DNMT3A: variants seen among roughly 807,000 people sequenced by gnomAD.
DNMT3A encodes the protein DNA methyltransferase 3 alpha.
Under a neutral mutation model 117.6 loss-of-function variants are expected in DNMT3A, and 267 were observed. That is an observed-to-expected ratio of 2.27 (90% CI 2.05 to 2.51). The LOEUF (loss-of-function observed/expected upper bound fraction) is 2.51, where lower values mean the gene tolerates loss of function less well. Ranked by LOEUF, DNMT3A falls within the 30% of genes most tolerant of loss-of-function variation. The probability of loss-of-function intolerance (pLI) is 0.00; values close to 1 mark genes in which losing one functional copy is unlikely to be tolerated. For missense variants in DNMT3A, 1,029 were observed against 1,260.2 expected, an observed-to-expected ratio of 0.82 and a Z score of 2.78; for synonymous variants, 432 against 474.8, an observed-to-expected ratio of 0.91 and a Z score of 1.17.
At position 25,304,717 on chromosome 2, in the gene DNMT3A, T is replaced by C. The variant is rs558129824; in HGVS notation, c.73-4474A>G. Among the ~76,000 whole-genome samples the C allele has an allele frequency of 1.4e-4, 22 of 152,224 alleles. No individual in the cohort carries two copies. Among genetic ancestry groups the C allele is most frequent in the Admixed American group, 4.6e-4 (7 of 15,286 alleles). On this transcript the variant is annotated intron_variant, in intron 2 of 22. Transcript: ENST00000321117. This position sits in a 1 kb window ranked among gnomAD's most constrained non-coding sequence, Gnocchi z 4.3. ...TCCCCAGGATTTGGCTGGATCGCCT[T>C]GGTCTCTTCTCCACACTGTGGTCCC...
At chr2:25,250,081 C>T (rs1675324701) in intron 6 of DNMT3A, among the ~76,000 whole-genome samples, 1 of 148,332 alleles carries the variant, frequency 6.7e-6, no homozygotes, top group Non-Finnish European at 1.5e-5. Flanking sequence ...GGCACCTGAA[C>T]GGAAGGATTT....
chr2:25,234,337 C>T lies in DNMT3A; in HGVS notation c.2681G>A (p.Ser894Asn). The change falls in exon 23 of 23, where the codon AGC becomes AAC. Residue 894 changes from serine (S) to asparagine (N), a missense_variant. Ser to Asn is a conservative substitution (Grantham distance 46). Coordinates refer to ENST00000321117, the MANE Select transcript of DNMT3A (RefSeq NM_022552.5). The surrounding 1 kb of genome is among the most constrained non-coding windows in gnomAD (Gnocchi z 4.5). The stretch of plus-strand genomic sequence containing the variant: ...GAAGAGGTGGCGGATGACTGGCACG[C>T]TCCATGACCGGCCCAGCAGTCTCTG... ...ARQRLLGRSWSVPVIRHLFAP... is the reference protein window; with the variant it reads ...ARQRLLGRSWNVPVIRHLFAP... The T allele has an allele frequency of 6.2e-7, 1 of 1,614,146 alleles. No homozygotes were observed. The highest frequency in any genetic ancestry group is 8.5e-7 in the Non-Finnish European group (1 of 1,180,014).
At chr2:25,302,073 C>T (rs1234474095) in intron 2 of DNMT3A, among the ~76,000 whole-genome samples, 1 of 152,176 alleles carries the variant, frequency 6.6e-6, no homozygotes, top group East Asian at 1.9e-4. Context: ...GGCAGACCAT[C>T]ATGGCTCAAG....
intron 6 of DNMT3A, among the ~76,000 whole-genome samples, chr2:25,250,500 C>A (rs1436074264): frequency 1.3e-5 from 2 of 152,192 alleles, no homozygotes; most frequent in African/African-American, 4.8e-5. Flanking sequence ...TTGCTCATCG[C>A]TCCCTAGCCC....
chr2:25,247,192 C>A lies in DNMT3A; in HGVS notation c.1015-34G>T. On this transcript the variant is annotated intron_variant, in intron 8 of 22. Transcript: ENST00000321117. The surrounding 1 kb of genome is among the most constrained non-coding windows in gnomAD (Gnocchi z 5.6). ...ACAAGCCAGGCCTTGTTTGCCGAGG[C>A]TTACACTTGCAAGCACCCACCCCAT... 6.2e-7 allele frequency: 1 copy of A among 1,604,642 alleles called. No individual in the cohort carries two copies. The highest frequency in any genetic ancestry group is 8.5e-7 in the Non-Finnish European group (1 of 1,174,340).
Position 25,240,345 on chromosome 2 carries a change from GC to G in DNMT3A, c.2278del (p.Ala760ProfsTer19). The G allele has an allele frequency of 6.2e-7, 1 of 1,614,154 alleles. No individual in the cohort carries two copies. The highest frequency in any genetic ancestry group is 8.5e-7 in the Non-Finnish European group (1 of 1,180,042). On this transcript the variant is annotated frameshift_variant, in exon 19 of 23. Transcript: ENST00000321117. LOFTEE classifies it high-confidence loss of function. Reference sequence around the variant, plus strand: ...GTCCCTCTTGTCACTAACGCCCATGGCCACCACATTCTCAAAGAGCCAGAAG... The same window carrying G: ...GTCCCTCTTGTCACTAACGCCCATGGCACCACATTCTCAAAGAGCCAGAAG... ...PFFWLFENVVAMGVSDKRDIS... is the reference protein window; with the variant it reads ...PFFWLFENVVXMGVSDKRDIS...
Position 25,294,984 on chromosome 2 carries a change from C to T in DNMT3A, c.177+5155G>A, listed in dbSNP as rs150131466. Reference sequence around the variant, plus strand: ...CTGGAGGAAGTTGGTGGGTATAAATCGTCAATGAATAAATACGCATCGCTA... The same window carrying T: ...CTGGAGGAAGTTGGTGGGTATAAATTGTCAATGAATAAATACGCATCGCTA... On this transcript the variant is annotated intron_variant, in intron 3 of 22. Coordinates refer to ENST00000321117, the MANE Select transcript of DNMT3A (RefSeq NM_022552.5). This position sits in a 1 kb window ranked among gnomAD's most constrained non-coding sequence, Gnocchi z 4.7. Among the ~76,000 whole-genome samples the T allele has an allele frequency of 2.8e-4, 43 of 152,272 alleles. No individual in the cohort carries two copies. The South Asian group carries it at 6.4e-3, about 23-fold the overall frequency.
chr2:25,299,211 T>A lies in DNMT3A; in HGVS notation c.177+928A>T, dbSNP rs137912761. Among the ~76,000 whole-genome samples, 3 of 152,328 alleles carry A rather than the reference T, an allele frequency of 2.0e-5. No homozygotes were observed. In the East Asian group the frequency reaches 5.8e-4, roughly 29 times the overall value. ...TTAAGACATAAACCAGTTAGGCTCC[T>A]ACAGCCCAGGGGTCTTGTTCTCCAG... On this transcript the variant is annotated intron_variant, in intron 3 of 22. Coordinates refer to ENST00000321117, the MANE Select transcript of DNMT3A (RefSeq NM_022552.5).
At chr2:25,235,099 G>A (rs1219193949) in intron 22 of DNMT3A, among the ~76,000 whole-genome samples, 1 of 152,092 alleles carries the variant, frequency 6.6e-6, no homozygotes, top group Non-Finnish European at 1.5e-5. Flanking sequence ...GGCACCACAA[G>A]TTAAGGTCCT....
At chr2:25,255,582 T>G (rs1676037306) in intron 6 of DNMT3A, among the ~76,000 whole-genome samples, 1 of 152,138 alleles carries the variant, frequency 6.6e-6, no homozygotes, top group African/African-American at 2.4e-5. Flanking sequence ...CCCATAGGCC[T>G]CCTAAGCCCG....
At chr2:25,239,025 G>T in intron 20 of DNMT3A, 105 bp downstream of exon 20, 1 of 899,910 alleles carries the variant, frequency 1.1e-6, no homozygotes. Flanking sequence ...TAGTCATTCA[G>T]CAGAGGCCGG....
At chr2:25,238,102 C>G (rs115160577) in intron 20 of DNMT3A, among the ~76,000 whole-genome samples, 3 of 152,110 alleles carry the variant, frequency 2.0e-5, no homozygotes, top group Non-Finnish European at 4.4e-5. Context: ...AAGAAGCAGG[C>G]GAGAAATCCC....
intron 1 of DNMT3A, among the ~76,000 whole-genome samples, chr2:25,318,750 T>C (rs1221964666): frequency 1.4e-5 from 2 of 147,936 alleles, no homozygotes; most frequent in Non-Finnish European, 3.0e-5. Context: ...CAGGCTAGAG[T>C]GCAGTGGTGC....
chr2:25,250,872 G>A (rs1675443614), intron 6 of DNMT3A, among the ~76,000 whole-genome samples: 1 of 152,220 alleles, frequency 6.6e-6, no homozygotes, highest in African/African-American at 2.4e-5. Context: ...GCAGCAGCAG[G>A]TGGGCTGGGC....
chr2:25,305,146 A>G lies in DNMT3A; in HGVS notation c.73-4903T>C. Among the ~76,000 whole-genome samples the G allele has an allele frequency of 6.6e-6, 1 of 152,262 alleles. No homozygotes were observed. ...ACGTACAAATCTACAAACCCGTACA[A>G]ATACAACTGTGTACGAGGTTCCAGT... On this transcript the variant is annotated intron_variant, in intron 2 of 22. Transcript: ENST00000321117. This position sits in a 1 kb window ranked among gnomAD's most constrained non-coding sequence, Gnocchi z 4.1.
chr2:25,258,878 G>C (rs979227053), intron 6 of DNMT3A, among the ~76,000 whole-genome samples: 1 of 152,180 alleles, frequency 6.6e-6, no homozygotes, highest in African/African-American at 2.4e-5. Flanking sequence ...TGTTAGGGAG[G>C]GGGAGTGGTA....
At chr2:25,265,596 T>A (rs2030253984) in intron 6 of DNMT3A, among the ~76,000 whole-genome samples, 1 of 152,132 alleles carries the variant, frequency 6.6e-6, no homozygotes, top group East Asian at 1.9e-4. Context: ...GGCAGGTGGA[T>A]CACCTGAGGT....
In DNMT3A at chr2:25,281,342, T is replaced by C; in HGVS notation, c.448+1099A>G. On this transcript the variant is annotated intron_variant, in intron 4 of 22. Coordinates refer to ENST00000321117, the MANE Select transcript of DNMT3A (RefSeq NM_022552.5). This position sits in a 1 kb window ranked among gnomAD's most constrained non-coding sequence, Gnocchi z 4.8. ...GATAATCATATCTCTTGAATAAGAT[T>C]GTTAGAGGAGTAAATAAAACAACTA... 1.4e-6 allele frequency: 1 copy of C among 714,132 alleles called. No individual in the cohort carries two copies. The highest frequency in any genetic ancestry group is 7.7e-5 in the East Asian group (1 of 12,996). 44.2% of individuals were successfully genotyped at this position (714,132 alleles called of 1,614,324 possible). A position where few individuals can be genotyped will look rare whatever the true frequency, so the allele number is the denominator to read the frequency against.
Position 25,240,373 on chromosome 2 carries a change from AG to A in DNMT3A, c.2250del (p.Phe751SerfsTer28). On this transcript the variant is annotated frameshift_variant, in exon 19 of 23. Coordinates refer to ENST00000321117, the MANE Select transcript of DNMT3A (RefSeq NM_022552.5). LOFTEE classifies it high-confidence loss of function. ...ACCACATTCTCAAAGAGCCAGAAGA[AG>A]GGGCGATCATCTCCCTCCTTGGGCC... ...DARPKEGDDR[P>X]FFWLFENVVA... The A allele has an allele frequency of 6.2e-7, 1 of 1,614,150 alleles. No homozygotes were observed. The highest frequency in any genetic ancestry group is 8.5e-7 in the Non-Finnish European group (1 of 1,179,996).
Sources: gnomAD v4.1 joint callset for allele counts (sites outside exome capture counted in the v4.1 genomes callset) on GRCh38, gnomAD v4.1.1 for gene constraint, Gnocchi (gnomAD v3.1) non-coding constraint, MANE v1.5 for transcripts, NCBI Gene and HGNC (gene_info 2026-07-23, HGNC 2026-07-21) for gene names.